The following DPP9 variants were observed in gnomAD, a reference collection of about 807,000 sequenced individuals.
The protein encoded by DPP9 is dipeptidyl peptidase 9.
In DPP9, 50 loss-of-function variants were observed where a neutral mutation model predicts 110.7. The ratio of observed to expected loss-of-function variants is 0.45; its 90% CI spans 0.36 to 0.57. The LOEUF (loss-of-function observed/expected upper bound fraction) is 0.57, where lower values mean the gene tolerates loss of function less well. Ranked by LOEUF, DPP9 falls within the 20% of genes least tolerant of loss-of-function variation. DPP9 has a pLI of 0.00. For synonymous variants in DPP9, 561 were observed against 514.4 expected, an observed-to-expected ratio of 1.09 and a Z score of -1.23; for missense variants, 1,022 against 1,217.9, an observed-to-expected ratio of 0.84 and a Z score of 2.39.
At chr19:4,691,706 T>C (rs1199980643) in intron 13 of DPP9, among the ~76,000 whole-genome samples, 2 of 146,530 alleles carry the variant, frequency 1.4e-5, no homozygotes, top group Non-Finnish European at 1.5e-5. Flanking sequence ...AGACGGAGTC[T>C]TGCTCTTGTC....
chr19:4,691,492 AC>A (rs1464384222), intron 13 of DPP9, among the ~76,000 whole-genome samples: 2 of 151,100 alleles, frequency 1.3e-5, no homozygotes, highest in African/African-American at 4.9e-5. Flanking sequence ...AAAACAAAAA[AC>A]AAAAAACAGG....
In DPP9 at chr19:4,704,260, C is replaced by A. The variant is rs775561351; in HGVS notation, c.471G>T (p.Leu157=). The stretch of plus-strand genomic sequence containing the variant: ...AGACCCCCAGGCGTTTCCGCTCCCT[C>A]AGCAGCTCCTCCTCCCGAGAGTAGA... ...HGVYSREEEL[L]RERKRLGVFG... is the part of the protein sequence containing the mutation. Residue 157 remains leucine (L), a synonymous_variant, in exon 6 of 22, where the codon CTG becomes CTT. Coordinates refer to ENST00000262960, the MANE Select transcript of DPP9 (RefSeq NM_139159.5). This position sits in a 1 kb window ranked among gnomAD's most constrained non-coding sequence, Gnocchi z 6.0. The A allele has an allele frequency of 6.2e-7, 1 of 1,613,862 alleles. No homozygotes were observed. Among genetic ancestry groups the A allele is most frequent in the South Asian group, 1.1e-5 (1 of 91,090 alleles).
At chr19:4,714,997 G>GAT (rs1261773688) in intron 3 of DPP9, among the ~76,000 whole-genome samples, 1 of 125,404 alleles carries the variant, frequency 8.0e-6, no homozygotes, top group African/African-American at 2.9e-5. Flanking sequence ...TAACTTCTTT[G>GAT]ATATATGTTT....
chr19:4,696,143 C>T (rs904381996), intron 11 of DPP9, among the ~76,000 whole-genome samples: 7 of 152,218 alleles, frequency 4.6e-5, no homozygotes, highest in Middle Eastern at 3.4e-3. Context: ...TCAGATGATC[C>T]GCCAGCCCCA....
Position 4,695,800 on chromosome 19 carries a change from A to G in DPP9, c.1176-245T>C, listed in dbSNP as rs1394230277. Among the ~76,000 whole-genome samples the G allele has an allele frequency of 6.6e-6, 1 of 152,028 alleles. No individual in the cohort carries two copies. The highest frequency in any genetic ancestry group is 1.5e-5 in the Non-Finnish European group (1 of 68,032). ...CCAAGTGTTCCGGAAACAATGGCCTAAGTCTCACAGCGGCAAGCTCTAATA... is the reference window on the plus strand; with the variant it reads ...CCAAGTGTTCCGGAAACAATGGCCTGAGTCTCACAGCGGCAAGCTCTAATA... On this transcript the variant is annotated intron_variant, in intron 11 of 21. Transcript: ENST00000262960. The surrounding 1 kb of genome is among the most constrained non-coding windows in gnomAD (Gnocchi z 4.7).
chr19:4,695,301 C>T lies in DPP9; in HGVS notation c.1353+77G>A. ...AACACCACCTGCCATTGGCGCTCAG[C>T]CTTCTAGGACGTGGGGGTGGGGACA... On this transcript the variant is annotated intron_variant, in intron 12 of 21. Transcript: ENST00000262960. The surrounding 1 kb of genome is among the most constrained non-coding windows in gnomAD (Gnocchi z 4.7). The T allele has an allele frequency of 7.0e-7, 1 of 1,429,856 alleles. No homozygotes were observed. The highest frequency in any genetic ancestry group is 9.3e-7 in the Non-Finnish European group (1 of 1,075,518). The allele number at this position is 1,429,856 out of a possible 1,614,324, so 88.6% of individuals were successfully genotyped here.
chr19:4,723,240 G>A (rs2093401244), intron 1 of DPP9, among the ~76,000 whole-genome samples: 1 of 152,182 alleles, frequency 6.6e-6, no homozygotes, highest in East Asian at 1.9e-4. Context: ...GAGGGAGGTG[G>A]CCTCTGTGCA....
rs1346436493 is a variant in DPP9 at position 4,682,323 on chromosome 19, C to T, written c.2474+373G>A. 6.6e-6 allele frequency among the ~76,000 whole-genome samples: 1 copy of T among 152,198 alleles called. No homozygotes were observed. The highest frequency in any genetic ancestry group is 1.5e-5 in the Non-Finnish European group (1 of 68,036). The stretch of plus-strand genomic sequence containing the variant: ...TCCCTGGCCCTGTGGACATCTATGT[C>T]CTGAAGCACAAGACAGAGGCTGTGA... On this transcript the variant is annotated intron_variant, in intron 20 of 21. Transcript: ENST00000262960. The surrounding 1 kb of genome is among the most constrained non-coding windows in gnomAD (Gnocchi z 7.1).
chr19:4,684,807 C>T lies in DPP9; in HGVS notation c.2034G>A (p.Val678=), dbSNP rs1229096923. 1 of 1,591,282 alleles carries T rather than the reference C, an allele frequency of 6.3e-7. No homozygotes were observed. Among genetic ancestry groups the T allele is most frequent in the South Asian group, 1.1e-5 (1 of 87,350 alleles). Residue 678 remains valine, a splice_region_variant and synonymous_variant, in exon 18 of 22, where the codon GTG becomes GTA. Transcript: ENST00000262960. This position sits in a 1 kb window ranked among gnomAD's most constrained non-coding sequence, Gnocchi z 4.8. The part of the protein sequence containing the change: ...TVLFVYGGPQ[V]QLVNNSFKGI... Reference sequence around the variant, plus strand: ...CTTTGAAGGAGTTATTCACCAGCTGCACCTGTGGGGAGGTGAGGGCCAGCA... The same window carrying T: ...CTTTGAAGGAGTTATTCACCAGCTGTACCTGTGGGGAGGTGAGGGCCAGCA...
rs984570412 is a variant in DPP9 at position 4,700,118 on chromosome 19, G to A, written c.1074+98C>T. 24 of 1,012,030 alleles carry A rather than the reference G, an allele frequency of 2.4e-5. No homozygotes were observed. Among genetic ancestry groups the A allele is most frequent in the Admixed American group, 5.5e-5 (2 of 36,174 alleles). The allele number at this position is 1,012,030 out of a possible 1,614,324, so 62.7% of individuals were successfully genotyped here. A position where few individuals can be genotyped will look rare whatever the true frequency, so the allele number is the denominator to read the frequency against. ...GGGCTGGGGCCTGGGGAGTGCCCCC[G>A]AGAGGGAGGTGAGTGACCTGCCCAT... On this transcript the variant is annotated intron_variant, in intron 10 of 21. Transcript: ENST00000262960. This position sits in a 1 kb window ranked among gnomAD's most constrained non-coding sequence, Gnocchi z 4.3.
chr19:4,693,553 C>T lies in DPP9; in HGVS notation c.1516+1108G>A, dbSNP rs1321977782. 6.6e-6 allele frequency among the ~76,000 whole-genome samples: 1 copy of T among 152,186 alleles called. No individual in the cohort carries two copies. Among genetic ancestry groups the T allele is most frequent in the Non-Finnish European group, 1.5e-5 (1 of 68,016 alleles). On this transcript the variant is annotated intron_variant, in intron 13 of 21. Coordinates refer to ENST00000262960, the MANE Select transcript of DPP9 (RefSeq NM_139159.5). The surrounding 1 kb of genome is among the most constrained non-coding windows in gnomAD (Gnocchi z 5.0). ...GGCATCCATGCCGCCTCCCTCCTCT[C>T]TGATCCCCCACCCTTTCCACTGCAA...
rs1372335247 is a variant in DPP9, at chr19:4,698,986, G to A, written c.1074+1230C>T. ...GTCCTGGCTAACACGGTGAAACCCC[G>A]TCTCTAATAAAAAATACAAAAAATT... On this transcript the variant is annotated intron_variant, in intron 10 of 21. Transcript: ENST00000262960. The surrounding 1 kb of genome is among the most constrained non-coding windows in gnomAD (Gnocchi z 4.2). Among the ~76,000 whole-genome samples the A allele has an allele frequency of 5.9e-5, 9 of 151,544 alleles. No homozygotes were observed. The highest frequency in any genetic ancestry group is 2.1e-4 in the South Asian group (1 of 4,770).
At chr19:4,722,593 A>G (rs1465417502) in intron 1 of DPP9, 42 bp from the exon 2 acceptor site, 3 of 702,286 alleles carry the variant, frequency 4.3e-6, no homozygotes, top group Non-Finnish European at 7.8e-6. Context: ...AGGTTAATGG[A>G]AGCACCGGCC....
intron 4 of DPP9, among the ~76,000 whole-genome samples, chr19:4,709,768 C>A (rs1194927608): frequency 6.9e-6 from 1 of 144,608 alleles, no homozygotes; most frequent in African/African-American, 2.5e-5. Context: ...AAAAGTGAAA[C>A]TGTGCAATGT....
intron 3 of DPP9, among the ~76,000 whole-genome samples, chr19:4,714,728 T>C (rs965458540): frequency 4.6e-5 from 7 of 151,896 alleles, no homozygotes; most frequent in Non-Finnish European, 1.0e-4. Flanking sequence ...CACCAGGATG[T>C]TCCACATCCA....
At chr19:4,683,389 G>A (rs1026083368) in intron 19 of DPP9, 88 bp downstream of exon 19, 11 of 1,570,718 alleles carry the variant, frequency 7.0e-6, no homozygotes, top group Middle Eastern at 1.7e-4. Context: ...GGTGGGCTCC[G>A]GGTGGCGCGG....
At chr19:4,679,545 G>A (rs1462667683) in intron 21 of DPP9, 3 of 439,316 alleles carry the variant, frequency 6.8e-6, no homozygotes, top group African/African-American at 6.0e-5. Context: ...TTTCGGTAAG[G>A]GTTCCTCCCT....
rs926524786 is a variant in DPP9 at position 4,700,819 on chromosome 19, G to A, written c.1013-542C>T. 3.3e-5 allele frequency among the ~76,000 whole-genome samples: 5 copies of A among 152,212 alleles called. No homozygotes were observed. Among genetic ancestry groups the A allele is most frequent in the Non-Finnish European group, 7.3e-5 (5 of 68,038 alleles). The stretch of plus-strand genomic sequence containing the variant: ...CTTAGTTCAGGCTCCGAAAGAGGGC[G>A]CGGGCCACAGCAGAGCGGAGAATGC... On this transcript the variant is annotated intron_variant, in intron 9 of 21. Coordinates refer to ENST00000262960, the MANE Select transcript of DPP9 (RefSeq NM_139159.5). The surrounding 1 kb of genome is among the most constrained non-coding windows in gnomAD (Gnocchi z 4.3).
rs1047956845 is a variant in DPP9 at position 4,675,725 on chromosome 19, G to C, written c.*839C>G. On this transcript the variant is annotated 3_prime_UTR_variant, in exon 22 of 22. Transcript: ENST00000262960. Reference sequence around the variant, plus strand: ...TGCTGGGTTGCAACCCCGCTGCCCGGTGTGGACCCCAAGTCTAGATTTAGG... The same window carrying C: ...TGCTGGGTTGCAACCCCGCTGCCCGCTGTGGACCCCAAGTCTAGATTTAGG... 1 of 152,274 alleles carries C rather than the reference G, an allele frequency of 6.6e-6. No homozygotes were observed. Among genetic ancestry groups the C allele is most frequent in the African/African-American group, 2.4e-5 (1 of 41,466 alleles). The allele number at this position is 152,274 out of a possible 1,614,324, so 9.4% of individuals were successfully genotyped here.
Sources: allele counts gnomAD v4.1 joint callset (sites outside exome capture counted in the v4.1 genomes callset), GRCh38; gene constraint gnomAD v4.1.1; non-coding constraint Gnocchi (gnomAD v3.1); transcripts MANE v1.5; gene names NCBI Gene and HGNC (gene_info 2026-07-23, HGNC 2026-07-21).